Variants in COPG2 observed in about 807,000 individuals in gnomAD.
The protein encoded by COPG2 is coatomer subunit gamma-2.
In COPG2, 37 loss-of-function variants were observed where a neutral mutation model predicts 46.3. That is an observed-to-expected ratio of 0.80 (90% CI 0.61 to 1.05). The LOEUF is 1.05. Ranked by LOEUF, COPG2 falls within the 50% of genes least tolerant of loss-of-function variation. COPG2 has a pLI of 0.00. For missense variants in COPG2, 427 were observed against 387.8 expected (o/e 1.10, Z -0.85); for synonymous variants, 159 against 129.7 (o/e 1.23, Z -1.53).
chr7:130,636,538 G>GTT (rs59688621), intron 5 of COPG2, among the ~76,000 whole-genome samples: 314 of 94,088 alleles, frequency 3.3e-3, no homozygotes, highest in African/African-American at 0.012. Flanking sequence ...ATTGCAACCG[G>GTT]TTTTTTTTTT....
chr7:130,614,038 G>T (rs1554452531), intron 6 of COPG2, among the ~76,000 whole-genome samples: 2 of 152,180 alleles, frequency 1.3e-5, no homozygotes, highest in African/African-American at 4.8e-5. Flanking sequence ...ATTATATACA[G>T]ATCCCAGAGA....
At chr7:130,540,863 A>G (rs1319427572) in intron 20 of COPG2, among the ~76,000 whole-genome samples, 5 of 152,136 alleles carry the variant, frequency 3.3e-5, no homozygotes, top group Non-Finnish European at 5.9e-5. Flanking sequence ...AGGGCTATCC[A>G]ATCATCTGAG....
chr7:130,641,753 G>A (rs1795493779), intron 5 of COPG2, among the ~76,000 whole-genome samples: 1 of 152,154 alleles, frequency 6.6e-6, no homozygotes, highest in Admixed American at 6.5e-5. Flanking sequence ...CATTCAAATA[G>A]AAAAGTTGTT....
At chr7:130,546,026 G>A (rs1008419248) in intron 20 of COPG2, among the ~76,000 whole-genome samples, 55 of 152,188 alleles carry the variant, frequency 3.6e-4, no homozygotes, top group African/African-American at 1.2e-3. Context: ...GGGGAAGTGG[G>A]AAGAGCTAGT....
rs758197005 is a variant in COPG2, at chr7:130,617,028, G to A, written c.361C>T (p.Arg121Ter). 9.3e-6 allele frequency: 15 copies of A among 1,610,414 alleles called. No individual in the cohort carries two copies. The highest frequency in any genetic ancestry group is 2.2e-5 in the East Asian group (1 of 44,664). ...KDMTGKEDVY[R>*]GPAIRALCRI... ...CAGAGAGCTCTGATGGCCGGGCCTC[G>A]GTATACATCTTCTTTTCCAGTCATG... is the stretch of plus-strand genomic sequence containing the variant. The change falls in exon 6 of 24, where the codon CGA becomes TGA. Residue 121 changes from arginine (R) to a stop codon, truncating the protein, a stop_gained. Coordinates refer to ENST00000425248, the MANE Select transcript of COPG2 (RefSeq NM_012133.6). LOFTEE classifies it high-confidence loss of function.
At chr7:130,656,180 T>C (rs1335428420) in intron 4 of COPG2, among the ~76,000 whole-genome samples, 2 of 152,090 alleles carry the variant, frequency 1.3e-5, no homozygotes, top group Non-Finnish European at 2.9e-5. Flanking sequence ...CCTCTTTTTT[T>C]CCCCTTCTTT....
At chr7:130,516,713 G>A (rs1486767645) in intron 20 of COPG2, among the ~76,000 whole-genome samples, 1 of 152,198 alleles carries the variant, frequency 6.6e-6, no homozygotes, top group African/African-American at 2.4e-5. Context: ...TGTCAGAGTT[G>A]TGTATTAACA....
intron 9 of COPG2, among the ~76,000 whole-genome samples, chr7:130,598,773 C>T (rs371599237): frequency 3.0e-4 from 45 of 152,276 alleles, no homozygotes; most frequent in African/African-American, 8.9e-4. Context: ...GATTTACCAA[C>T]GGGCTATCCA....
chr7:130,624,240 A>G (rs1795081754), intron 5 of COPG2, among the ~76,000 whole-genome samples: 1 of 152,130 alleles, frequency 6.6e-6, no homozygotes, highest in Non-Finnish European at 1.5e-5. Flanking sequence ...GAAAATACAT[A>G]CTTGGGGGGA....
At chr7:130,507,640 T>TTA in intron 22 of COPG2, 45 bp downstream of exon 22, 1 of 767,326 alleles carries the variant, frequency 1.3e-6, no homozygotes, top group African/African-American at 1.7e-5. Context: ...CTGTTAGGTG[T>TTA]TATACTGTTA....
intron 5 of COPG2, chr7:130,645,388 G>A (rs782363123): frequency 3.7e-5 from 20 of 534,834 alleles, no homozygotes; most frequent in Admixed American, 6.0e-5. Context: ...CTCCAGGACC[G>A]ACTCCATGGG....
chr7:130,641,135 T>C (rs141228932), intron 5 of COPG2, among the ~76,000 whole-genome samples: 349 of 132,622 alleles, frequency 2.6e-3, no homozygotes, highest in Non-Finnish European at 3.8e-3. Context: ...AGGTCAGGAG[T>C]TCAAGACCAA....
chr7:130,518,593 A>G (rs1799698604), intron 20 of COPG2, among the ~76,000 whole-genome samples: 1 of 152,224 alleles, frequency 6.6e-6, no homozygotes, highest in African/African-American at 2.4e-5. Flanking sequence ...AATATATATG[A>G]CAGTGCAAAT....
intron 14 of COPG2, among the ~76,000 whole-genome samples, chr7:130,553,569 G>A (rs1464445449): frequency 6.6e-6 from 1 of 152,214 alleles, no homozygotes; most frequent in African/African-American, 2.4e-5. Context: ...GATGATGAAT[G>A]TGAGGTTAGT....
chr7:130,621,016 T>A (rs1040970895), intron 5 of COPG2, among the ~76,000 whole-genome samples: 3 of 152,182 alleles, frequency 2.0e-5, no homozygotes, highest in Non-Finnish European at 2.9e-5. Context: ...TATATTGAAT[T>A]ATTTGGGTGA....
At chr7:130,574,321 G>A (rs2116422904) in intron 9 of COPG2, among the ~76,000 whole-genome samples, 1 of 152,290 alleles carries the variant, frequency 6.6e-6, no homozygotes, top group African/African-American at 2.4e-5. Context: ...CCAGCACTTT[G>A]GATGGCTGAG....
chr7:130,557,428 C>G (rs1456934337), intron 12 of COPG2, among the ~76,000 whole-genome samples: 1 of 152,146 alleles, frequency 6.6e-6, no homozygotes, highest in Non-Finnish European at 1.5e-5. Context: ...TCTCCCCTAA[C>G]TTATGAATTT....
chr7:130,585,022 T>C (rs1794236961), intron 9 of COPG2, among the ~76,000 whole-genome samples: 1 of 151,810 alleles, frequency 6.6e-6, no homozygotes, highest in African/African-American at 2.4e-5. Context: ...AAGACTAAGC[T>C]AAAAGAACAA....
At chr7:130,564,038 T>C (rs1353589022) in intron 10 of COPG2, among the ~76,000 whole-genome samples, 1 of 151,942 alleles carries the variant, frequency 6.6e-6, no homozygotes, top group Non-Finnish European at 1.5e-5. Flanking sequence ...ATAAATAAAA[T>C]TCTTTCAAAA....
Sources: gnomAD v4.1 joint callset for allele counts (sites outside exome capture counted in the v4.1 genomes callset) on GRCh38, gnomAD v4.1.1 for gene constraint, MANE v1.5 for transcripts, NCBI Gene and HGNC (gene_info 2026-07-23, HGNC 2026-07-21) for gene names.